The following DPYS variants were observed in gnomAD, a reference collection of about 807,000 sequenced individuals.
DPYS encodes the protein dihydropyrimidine amidohydrolase.
In DPYS, 39 loss-of-function variants were observed where a neutral mutation model predicts 50.3. The observed-to-expected ratio is 0.78, with a 90% CI of 0.60 to 1.01. The LOEUF (loss-of-function observed/expected upper bound fraction) is 1.01, where lower values mean the gene tolerates loss of function less well. Among genes scored for constraint, DPYS ranks in the 50% least tolerant of loss-of-function variants. The probability of loss-of-function intolerance (pLI) is 0.00; values close to 1 mark genes in which losing one functional copy is unlikely to be tolerated. For synonymous variants in DPYS, 245 were observed against 250.7 expected, an observed-to-expected ratio of 0.98 and a Z score of 0.22; for missense variants, 659 against 680.9, an observed-to-expected ratio of 0.97 and a Z score of 0.36.
chr8:104,429,320 G>A, intron 5 of DPYS: 2 of 572,840 alleles, frequency 3.5e-6, no homozygotes, highest in Non-Finnish European at 6.1e-6. Flanking sequence ...AAGTTTCAGT[G>A]AAAACGATCT....
Position 104,444,302 on chromosome 8 carries a change from C to T in DPYS, c.739G>A (p.Val247Met). 1 of 1,614,226 alleles carries T rather than the reference C, an allele frequency of 6.2e-7. No individual in the cohort carries two copies. Among genetic ancestry groups the T allele is most frequent in the Non-Finnish European group, 8.5e-7 (1 of 1,180,050 alleles). Residue 247 changes from valine to methionine, a missense_variant, in exon 4 of 10, where the codon GTG becomes ATG. Physicochemically the swap from Val to Met is conservative, Grantham distance 21. Coordinates refer to ENST00000351513, the MANE Select transcript of DPYS (RefSeq NM_001385.3). ...GCTGCAGACTTGCTCATCACATGCACAATGTAGAGAGGACAGTTCACAGCG... is the reference window on the plus strand; with the variant it reads ...GCTGCAGACTTGCTCATCACATGCATAATGTAGAGAGGACAGTTCACAGCG... ...ASAVNCPLYI[V>M]HVMSKSAAKV... is the part of the protein sequence containing the mutation.
At position 104,447,475 on chromosome 8, in the gene DPYS, T is replaced by A. The variant is rs770035501; in HGVS notation, c.452A>T (p.Gln151Leu). ...QVKEEMKILV[Q>L]DKGVNSFKMF... ...CTTGAAAGAGTTAACACCTTTATCT[T>A]GCACAAGGATTTTCATTTCTTCTTT... is the stretch of plus-strand genomic sequence containing the variant. Residue 151 changes from glutamine (Q) to leucine (L), a missense_variant, in exon 3 of 10, where the codon CAA (glutamine) becomes CTA (leucine). Coordinates refer to ENST00000351513, the MANE Select transcript of DPYS (RefSeq NM_001385.3). The A allele has an allele frequency of 6.2e-7, 1 of 1,614,158 alleles. No individual in the cohort carries two copies. The highest frequency in any genetic ancestry group is 1.7e-5 in the Admixed American group (1 of 60,024).
chr8:104,441,633 T>C (rs1044693545), intron 4 of DPYS, among the ~76,000 whole-genome samples: 1 of 152,174 alleles, frequency 6.6e-6, no homozygotes, highest in Admixed American at 6.6e-5. Context: ...TGGAGGGGCC[T>C]GGCAAGGGCT....
intron 4 of DPYS, among the ~76,000 whole-genome samples, chr8:104,440,445 G>C (rs1813310714): frequency 6.6e-6 from 1 of 152,102 alleles, no homozygotes; most frequent in Non-Finnish European, 1.5e-5. Flanking sequence ...CTGCATTCTA[G>C]GGACCACACT....
chr8:104,399,290 C>CAAAAAAAAAAAAAAAAAAAAAAA (rs11323938), intron 7 of DPYS, among the ~76,000 whole-genome samples: 1 of 74,898 alleles, frequency 1.3e-5, no homozygotes, highest in Non-Finnish European at 2.3e-5. Flanking sequence ...GACTCCATCT[C>CAAAAAAAAAAAAAAAAAAAAAAA]AAAAAAAAAA....
chr8:104,456,184 T>C (rs1296461777), intron 1 of DPYS, among the ~76,000 whole-genome samples: 1 of 152,178 alleles, frequency 6.6e-6, no homozygotes, highest in Non-Finnish European at 1.5e-5. Flanking sequence ...TAGTAGGCTA[T>C]ACCATCTAGG....
chr8:104,420,497 C>T (rs1395107246), intron 7 of DPYS: 1 of 152,118 alleles, frequency 6.6e-6, no homozygotes, highest in Non-Finnish European at 1.5e-5. Context: ...TCCTCTTCAA[C>T]AGCCCCCTTC....
intron 1 of DPYS, among the ~76,000 whole-genome samples, chr8:104,455,164 A>G (rs1162585192): frequency 6.6e-6 from 1 of 152,174 alleles, no homozygotes; most frequent in African/African-American, 2.4e-5. Flanking sequence ...CTTAATACAG[A>G]ACCGTCAATA....
At chr8:104,462,568 T>C (rs1204087288) in intron 1 of DPYS, among the ~76,000 whole-genome samples, 1 of 152,112 alleles carries the variant, frequency 6.6e-6, no homozygotes, top group Non-Finnish European at 1.5e-5. Flanking sequence ...TGTTGCATGG[T>C]TTCCCAATTT....
At chr8:104,421,329 G>C (rs182057326) in intron 7 of DPYS, 4 of 152,232 alleles carry the variant, frequency 2.6e-5, no homozygotes, top group Admixed American at 1.3e-4. Context: ...GTGAAGGATG[G>C]AAATCATACA....
chr8:104,460,590 C>G (rs1228376833), intron 1 of DPYS, among the ~76,000 whole-genome samples: 1 of 152,022 alleles, frequency 6.6e-6, no homozygotes. Flanking sequence ...AATACCCAGG[C>G]CAGACATGTG....
At chr8:104,425,121 C>T (rs112452054) in intron 6 of DPYS, among the ~76,000 whole-genome samples, 132 of 152,196 alleles carry the variant, frequency 8.7e-4, no homozygotes, top group African/African-American at 2.8e-3. Context: ...TGAGCCACTG[C>T]ACCCAGCTGA....
intron 1 of DPYS, among the ~76,000 whole-genome samples, chr8:104,453,612 A>G (rs1047055224): frequency 2.0e-5 from 3 of 152,254 alleles, no homozygotes; most frequent in Admixed American, 2.0e-4. Flanking sequence ...AAAATGGTAC[A>G]GCCACTTTGG....
chr8:104,455,081 G>A (rs187311585), intron 1 of DPYS, among the ~76,000 whole-genome samples: 83 of 152,276 alleles, frequency 5.5e-4, no homozygotes, highest in African/African-American at 1.9e-3. Flanking sequence ...CATGGCACAT[G>A]TATACCTATG....
In DPYS at chr8:104,387,658, T is replaced by G. The variant is rs140021433; in HGVS notation, c.1443+5126A>C. On this transcript the variant is annotated intron_variant, in intron 8 of 9. Coordinates refer to ENST00000351513, the MANE Select transcript of DPYS (RefSeq NM_001385.3). ...GTGAGCTCCCTGAGCCTCTATTTCT[T>G]AATATATGAAATAGGAATATCACTA... 2.3e-3 allele frequency among the ~76,000 whole-genome samples: 357 copies of G among 152,332 alleles called. 4 individuals are homozygous for G. Among genetic ancestry groups the G allele is most frequent in the African/African-American group, 8.1e-3 (338 of 41,582 alleles).
intron 7 of DPYS, among the ~76,000 whole-genome samples, chr8:104,403,027 T>C (rs1811873886): frequency 2.0e-5 from 3 of 152,182 alleles, no homozygotes; most frequent in Admixed American, 2.0e-4. Flanking sequence ...ATGGCTACCC[T>C]CTTTGGTTCC....
chr8:104,385,033 C>T (rs187620875), intron 8 of DPYS, among the ~76,000 whole-genome samples: 70 of 152,288 alleles, frequency 4.6e-4, no homozygotes, highest in African/African-American at 1.6e-3. Flanking sequence ...TTAAGACTCA[C>T]GGTTTTAAAT....
chr8:104,402,973 G>T (rs573353344), intron 7 of DPYS, among the ~76,000 whole-genome samples: 8 of 152,322 alleles, frequency 5.3e-5, no homozygotes, highest in Non-Finnish European at 1.0e-4. Flanking sequence ...AGCACAGCGT[G>T]AGGGACAATG....
intron 7 of DPYS, among the ~76,000 whole-genome samples, chr8:104,409,172 C>T (rs1463082999): frequency 6.6e-6 from 1 of 151,958 alleles, no homozygotes; most frequent in African/African-American, 2.4e-5. Flanking sequence ...CTGTGCCTCA[C>T]CAACATGCCA....
Sources: gnomAD v4.1 joint callset for allele counts (sites outside exome capture counted in the v4.1 genomes callset) on GRCh38, gnomAD v4.1.1 for gene constraint, MANE v1.5 for transcripts, NCBI Gene and HGNC (gene_info 2026-07-23, HGNC 2026-07-21) for gene names.